Variants in CACNA1B observed in about 807,000 individuals in gnomAD.
CACNA1B encodes the protein voltage-dependent N-type calcium channel subunit alpha-1B.
In CACNA1B, 70 loss-of-function variants were observed where a neutral mutation model predicts 247.2. The ratio of observed to expected loss-of-function variants is 0.28; its 90% confidence interval spans 0.23 to 0.35. The LOEUF (loss-of-function observed/expected upper bound fraction) is 0.35. CACNA1B is among the 10% of genes least tolerant of loss of function. CACNA1B has a pLI of 1.00. For synonymous variants in CACNA1B, 1,231 were observed against 1,294.4 expected (o/e 0.95, Z 1.05); for missense variants, 2,367 against 3,197.4 (o/e 0.74, Z 6.26).
At chr9:138,079,366 G>A (rs1174316410) in intron 36 of CACNA1B, among the ~76,000 whole-genome samples, 1 of 152,290 alleles carries the variant, frequency 6.6e-6, no homozygotes, top group Admixed American at 6.5e-5. Context: ...CAGGAGGCAG[G>A]TGGAGAACCA....
Position 137,954,856 on chromosome 9 carries a change from T to TTGTGTGTGTGTGTGTG in CACNA1B, c.1071-833_1071-818dup, listed in dbSNP as rs150496046. On this transcript the variant is annotated intron_variant, in intron 7 of 46. Coordinates refer to ENST00000371372, the MANE Select transcript of CACNA1B (RefSeq NM_000718.4). The surrounding 1 kb of genome is among the most constrained non-coding windows in gnomAD (Gnocchi z 4.1). ...ACACCCACTCCACCAACTCAGAAGC[T>TTGTGTGTGTGTGTGTG]TGTGTGTGTGTGTGTGTGTGTGTGA... Among the ~76,000 whole-genome samples, 1,260 of 120,866 alleles carry TTGTGTGTGTGTGTGTG rather than the reference T, an allele frequency of 0.01. 27 individuals carry two copies. Among genetic ancestry groups the TTGTGTGTGTGTGTGTG allele is most frequent in the African/African-American group, 0.042 (1,066 of 25,258 alleles). 79.3% of individuals were successfully genotyped at this position (120,866 alleles called of 152,430 possible). A position where few individuals can be genotyped will look rare whatever the true frequency, so the allele number is the denominator to read the frequency against.
intron 39 of CACNA1B, among the ~76,000 whole-genome samples, chr9:138,110,132 T>A (rs1961573720): frequency 6.6e-6 from 1 of 151,460 alleles, no homozygotes; most frequent in Non-Finnish European, 1.5e-5. Flanking sequence ...TATATATATA[T>A]TTGAGACAGT....
intron 44 of CACNA1B, among the ~76,000 whole-genome samples, chr9:138,119,511 G>A (rs1260756506): frequency 6.6e-6 from 1 of 152,186 alleles, no homozygotes; most frequent in South Asian, 2.1e-4. Flanking sequence ...CTGTGGAGCT[G>A]TGGATCTGAA....
intron 43 of CACNA1B, among the ~76,000 whole-genome samples, chr9:138,118,416 G>A (rs1961953573): frequency 8.2e-6 from 1 of 122,236 alleles, no homozygotes; most frequent in Non-Finnish European, 1.7e-5. Context: ...TGAGACTTGG[G>A]TGGGGGATGT....
chr9:137,986,346 C>T lies in CACNA1B; in HGVS notation c.1770-67C>T. 6.4e-7 allele frequency: 1 copy of T among 1,573,658 alleles called. No individual in the cohort carries two copies. Among genetic ancestry groups the T allele is most frequent in the Admixed American group, 1.7e-5 (1 of 57,256 alleles). Reference sequence around the variant, plus strand: ...AAAGTCAGTGGAGCCTTAAGTGTGGCTGCAGAGAGCCATGAATGTGAAGTC... The same window carrying T: ...AAAGTCAGTGGAGCCTTAAGTGTGGTTGCAGAGAGCCATGAATGTGAAGTC... On this transcript the variant is annotated intron_variant, in intron 13 of 46. Transcript: ENST00000371372. This position sits in a 1 kb window ranked among gnomAD's most constrained non-coding sequence, Gnocchi z 6.0.
intron 40 of CACNA1B, among the ~76,000 whole-genome samples, chr9:138,112,772 C>A (rs1961686938): frequency 6.6e-6 from 1 of 152,212 alleles, no homozygotes; most frequent in Middle Eastern, 3.2e-3. Context: ...AAGAGGGGAT[C>A]CCACAGGGAT....
intron 3 of CACNA1B, among the ~76,000 whole-genome samples, chr9:137,901,957 C>T (rs1957245519): frequency 1.3e-5 from 2 of 152,184 alleles, no homozygotes; most frequent in African/African-American, 4.8e-5. Flanking sequence ...TCCCAAAGTG[C>T]TGGGATTACA....
chr9:138,113,686 G>A (rs529993173), intron 40 of CACNA1B, among the ~76,000 whole-genome samples: 43 of 126,584 alleles, frequency 3.4e-4, no homozygotes, highest in African/African-American at 1.2e-3. Context: ...GTGAGGGAGC[G>A]CAGGAAGGTG....
rs1443754495 is a variant in CACNA1B, at chr9:138,120,676, C to T, written c.6284C>T (p.Pro2095Leu). 6.6e-7 allele frequency: 1 copy of T among 1,515,928 alleles called. No homozygotes were observed. Among genetic ancestry groups the T allele is most frequent in the Non-Finnish European group, 8.8e-7 (1 of 1,137,874 alleles). 93.9% of individuals were successfully genotyped at this position (1,515,928 alleles called of 1,614,324 possible). A position where few individuals can be genotyped will look rare whatever the true frequency, so the allele number is the denominator to read the frequency against. The change falls in exon 46 of 47, where the codon CCT (proline) becomes CTT (leucine). Residue 2095 changes from proline (P) to leucine (L), a missense_variant. Transcript: ENST00000371372. ...VGPGLPPGEG[P>L]TGCRRERERR... The stretch of plus-strand genomic sequence containing the variant: ...CCGGGGCTGCCCCCGGGAGAGGGGC[C>T]TACAGGCTGCCGGCGGGAACGAGAG...
chr9:138,053,485 G>A (rs531764955), intron 25 of CACNA1B, among the ~76,000 whole-genome samples: 11 of 152,222 alleles, frequency 7.2e-5, no homozygotes, highest in South Asian at 4.2e-4. Flanking sequence ...TTTCCATCCC[G>A]TAGGTGCCCT....
At chr9:137,938,600 T>C (rs971595778) in intron 6 of CACNA1B, among the ~76,000 whole-genome samples, 1 of 151,402 alleles carries the variant, frequency 6.6e-6, no homozygotes, top group Non-Finnish European at 1.5e-5. Context: ...CAAGCAGGAG[T>C]AGCCATTCTT....
At position 137,986,964 on chromosome 9, in the gene CACNA1B, G is replaced by A; in HGVS notation, c.1974+110G>A. The A allele has an allele frequency of 3.5e-6, 3 of 847,398 alleles. No homozygotes were observed. Among genetic ancestry groups the A allele is most frequent in the Non-Finnish European group, 6.1e-6 (3 of 493,338 alleles). 52.5% of individuals were successfully genotyped at this position (847,398 alleles called of 1,614,324 possible). On this transcript the variant is annotated intron_variant, in intron 15 of 46. Coordinates refer to ENST00000371372, the MANE Select transcript of CACNA1B (RefSeq NM_000718.4). This position sits in a 1 kb window ranked among gnomAD's most constrained non-coding sequence, Gnocchi z 6.0. ...CTCCCTTGTTCCTCCACACGGCCCA[G>A]ATCACTGACTTTTCAGACACAGTGT...
intron 36 of CACNA1B, among the ~76,000 whole-genome samples, chr9:138,081,645 A>G (rs1392623206): frequency 6.6e-6 from 1 of 151,160 alleles, no homozygotes; most frequent in East Asian, 2.0e-4. Flanking sequence ...GCAGGGTCTT[A>G]TGAATACATT....
In CACNA1B at chr9:138,014,043, C is replaced by T. The variant is rs975813655; in HGVS notation, c.2267+808C>T. Among the ~76,000 whole-genome samples, 13 of 152,272 alleles carry T rather than the reference C, an allele frequency of 8.5e-5. No individual in the cohort carries two copies. The highest frequency in any genetic ancestry group is 2.2e-4 in the African/African-American group (9 of 41,474). On this transcript the variant is annotated intron_variant, in intron 18 of 46. Coordinates refer to ENST00000371372, the MANE Select transcript of CACNA1B (RefSeq NM_000718.4). The surrounding 1 kb of genome is among the most constrained non-coding windows in gnomAD (Gnocchi z 6.2). ...GGCCCCAGCTCTTCAGCCGGCCACCCGCCCTGCCGTGAACACGGAACACAG... is the reference window on the plus strand; with the variant it reads ...GGCCCCAGCTCTTCAGCCGGCCACCTGCCCTGCCGTGAACACGGAACACAG...
intron 42 of CACNA1B, among the ~76,000 whole-genome samples, chr9:138,117,621 C>T (rs1193748677): frequency 1.3e-5 from 2 of 152,206 alleles, no homozygotes; most frequent in Admixed American, 6.5e-5. Flanking sequence ...GAGCGGGTGA[C>T]GGACCCAGGC....
At chr9:137,959,625 T>TA (rs1957987541) in intron 10 of CACNA1B, among the ~76,000 whole-genome samples, 1 of 152,118 alleles carries the variant, frequency 6.6e-6, no homozygotes, top group Non-Finnish European at 1.5e-5. Context: ...GACTTAGGCT[T>TA]TGTTAGGAAA....
Position 137,952,392 on chromosome 9 carries a change from G to T in CACNA1B, c.1070+15G>T. 1.2e-6 allele frequency: 2 copies of T among 1,603,560 alleles called. No homozygotes were observed. Among genetic ancestry groups the T allele is most frequent in the Non-Finnish European group, 1.7e-6 (2 of 1,170,532 alleles). ...GTGCTCTCGGGGTGAGAGACCATGT[G>T]GGGGATGTGCAGGTGCCCCTCTGTG... On this transcript the variant is annotated intron_variant, in intron 7 of 46. Transcript: ENST00000371372. The surrounding 1 kb of genome is among the most constrained non-coding windows in gnomAD (Gnocchi z 4.8).
intron 19 of CACNA1B, among the ~76,000 whole-genome samples, chr9:138,024,560 G>A (rs573699474): frequency 6.6e-6 from 1 of 152,332 alleles, no homozygotes; most frequent in South Asian, 2.1e-4. Flanking sequence ...TAGCAGAGCA[G>A]GTGGTTATGG....
chr9:138,069,657 G>A (rs1381581490), intron 31 of CACNA1B, 101 bp from the exon 32 acceptor site: 23 of 871,292 alleles, frequency 2.6e-5, no homozygotes, highest in African/African-American at 4.9e-5. Context: ...CATACAATGC[G>A]AAAACCCATG....
Sources: allele counts gnomAD v4.1 joint callset (sites outside exome capture counted in the v4.1 genomes callset), GRCh38; gene constraint gnomAD v4.1.1; non-coding constraint Gnocchi (gnomAD v3.1); transcripts MANE v1.5; gene names NCBI Gene and HGNC (gene_info 2026-07-23, HGNC 2026-07-21).